The following CEP128 variants were observed in gnomAD, a reference collection of about 807,000 sequenced individuals.
The protein encoded by CEP128 is centrosomal protein 128, also known as centrosomal protein 128kDa.
CEP128 carries 132 observed loss-of-function variants against 156.7 expected under a neutral mutation model. That is an observed-to-expected ratio of 0.84 (90% confidence interval 0.73 to 0.97). CEP128 has a LOEUF of 0.97. Among genes scored for constraint, CEP128 ranks in the 50% least tolerant of loss-of-function variants. CEP128 has a pLI of 0.00. For missense variants in CEP128, 1,252 were observed against 1,281.9 expected (o/e 0.98, Z 0.36); for synonymous variants, 469 against 448.9 (o/e 1.04, Z -0.57).
chr14:80,755,135 T>C (rs1287859968), intron 18 of CEP128, among the ~76,000 whole-genome samples: 1 of 152,140 alleles, frequency 6.6e-6, no homozygotes, highest in Non-Finnish European at 1.5e-5. Context: ...CAGAAAAATA[T>C]GAAAAGACAG....
In CEP128 at chr14:80,716,641, T is replaced by G. The variant is rs187662127; in HGVS notation, c.2806+26434A>C. 4.0e-4 allele frequency among the ~76,000 whole-genome samples: 61 copies of G among 152,370 alleles called. 2 individuals carry two copies. Among genetic ancestry groups the G allele is most frequent in the Admixed American group, 3.8e-3 (58 of 15,302 alleles). On this transcript the variant is annotated intron_variant, in intron 19 of 24. Transcript: ENST00000555265. ...ACTATACCATATTTTATTTATCCAT[T>G]CGTCAGCTGATGGACATTCGGGTTG...
At chr14:80,947,468 C>G (rs1886372487) in intron 2 of CEP128, among the ~76,000 whole-genome samples, 1 of 149,308 alleles carries the variant, frequency 6.7e-6, no homozygotes, top group Non-Finnish European at 1.5e-5. Context: ...GTTGTAGGAC[C>G]CTGTGAAAAA....
chr14:80,660,327 T>C (rs1402701312), intron 19 of CEP128, among the ~76,000 whole-genome samples: 2 of 152,172 alleles, frequency 1.3e-5, no homozygotes, highest in African/African-American at 2.4e-5. Flanking sequence ...CATGTCAGTG[T>C]ATATGTTAAA....
At chr14:80,641,764 C>T (rs10146558) in intron 19 of CEP128, among the ~76,000 whole-genome samples, 6 of 151,834 alleles carry the variant, frequency 4.0e-5, no homozygotes, top group Admixed American at 3.9e-4. Context: ...TTAAAATAGC[C>T]GTACCAGAAC....
intron 20 of CEP128, among the ~76,000 whole-genome samples, chr14:80,569,218 T>C (rs868427477): frequency 2.6e-4 from 39 of 152,198 alleles, no homozygotes; most frequent in African/African-American, 9.4e-4. Context: ...TGTAGTACTT[T>C]TAAAATGGTC....
intron 18 of CEP128, among the ~76,000 whole-genome samples, chr14:80,743,819 A>G (rs951102897): frequency 1.3e-5 from 2 of 151,914 alleles, no homozygotes; most frequent in Non-Finnish European, 1.5e-5. Context: ...ACTCTACTTC[A>G]CAGATTCTAA....
rs572597013 is a variant in CEP128 at position 80,757,252 on chromosome 14, G to T, written c.2554-301C>A. On this transcript the variant is annotated intron_variant, in intron 17 of 24. Coordinates refer to ENST00000555265, the MANE Select transcript of CEP128 (RefSeq NM_152446.5). ...TCTGTGGAGTTCCATATGGCAAACA[G>T]CTTCAATTAAAGTCAGTTTATTTCA... 2.6e-4 allele frequency among the ~76,000 whole-genome samples: 39 copies of T among 152,234 alleles called. No individual in the cohort carries two copies. The South Asian group carries it at 7.9e-3, about 31-fold the overall frequency.
intron 19 of CEP128, among the ~76,000 whole-genome samples, chr14:80,692,128 G>A (rs1406378070): frequency 6.6e-6 from 1 of 152,156 alleles, no homozygotes; most frequent in Non-Finnish European, 1.5e-5. Flanking sequence ...ATTGTGACTA[G>A]TTGTCAGGAA....
chr14:80,632,187 T>C (rs569160209), intron 19 of CEP128, among the ~76,000 whole-genome samples: 1 of 152,002 alleles, frequency 6.6e-6, no homozygotes, highest in Non-Finnish European at 1.5e-5. Flanking sequence ...TCCTTCAGTA[T>C]TTTTCTTTTT....
At chr14:80,695,641 C>T (rs1595234636) in intron 19 of CEP128, among the ~76,000 whole-genome samples, 1 of 149,836 alleles carries the variant, frequency 6.7e-6, no homozygotes, top group Admixed American at 6.7e-5. Flanking sequence ...CGCTTGAACC[C>T]GGGAGGCAGA....
intron 19 of CEP128, among the ~76,000 whole-genome samples, chr14:80,684,551 T>C (rs9783629): frequency 0.28 from 42,825 of 151,818 alleles, 6,957 homozygotes; most frequent in East Asian, 0.72. Flanking sequence ...ACTAAAACTA[T>C]TCTGAAAAAT....
At chr14:80,568,284 G>A (rs1029542408) in intron 20 of CEP128, among the ~76,000 whole-genome samples, 2 of 152,112 alleles carry the variant, frequency 1.3e-5, no homozygotes, top group African/African-American at 4.8e-5. Flanking sequence ...CTCCCACGCC[G>A]TGTTCTCCTG....
chr14:80,538,949 GC>G (rs751973610), intron 21 of CEP128, among the ~76,000 whole-genome samples: 5 of 152,130 alleles, frequency 3.3e-5, no homozygotes, highest in Non-Finnish European at 7.4e-5. Flanking sequence ...TTAGCAGTGG[GC>G]AATAAGCATC....
Position 80,481,775 on chromosome 14 carries a change from G to C in CEP128, c.*311-3368C>G, listed in dbSNP as rs112688481. On this transcript the variant is annotated intron_variant and NMD_transcript_variant, in intron 14 of 14. Coordinates refer to the CEP128 transcript ENST00000554502. Reference sequence around the variant, plus strand: ...TTACAGTAGTCAGGATAGCCAACCAGACACTGTGGTTTTAAATCCATCCAT... The same window carrying C: ...TTACAGTAGTCAGGATAGCCAACCACACACTGTGGTTTTAAATCCATCCAT... Among the ~76,000 whole-genome samples, 474 of 152,326 alleles carry C rather than the reference G, an allele frequency of 3.1e-3. 4 individuals are homozygous for C. Among genetic ancestry groups the C allele is most frequent in the African/African-American group, 0.011 (462 of 41,578 alleles).
intron 16 of CEP128, among the ~76,000 whole-genome samples, chr14:80,767,525 T>C (rs1260399138): frequency 6.6e-6 from 1 of 152,116 alleles, no homozygotes; most frequent in Non-Finnish European, 1.5e-5. Context: ...ACCCTACATA[T>C]ATCACTTGCC....
Position 80,761,520 on chromosome 14 carries a change from G to A in CEP128, c.2470C>T (p.Gln824Ter). 6.2e-7 allele frequency: 1 copy of A among 1,612,612 alleles called. No individual in the cohort carries two copies. Among genetic ancestry groups the A allele is most frequent in the Admixed American group, 1.7e-5 (1 of 59,998 alleles). ...KDQLLCLETE[Q>*]ESILGVIGKE... ...CCTATCACACCAAGAATGGATTCCT[G>A]TTCAGTCTCCAAGCAAAGAAGTTGA... Residue 824 changes from glutamine (Q) to a stop codon, truncating the protein, a stop_gained, in exon 17 of 25, where the codon CAG becomes TAG. Coordinates refer to ENST00000555265, the MANE Select transcript of CEP128 (RefSeq NM_152446.5). LOFTEE classifies it high-confidence loss of function.
intron 14 of CEP128, among the ~76,000 whole-genome samples, chr14:80,483,811 T>C (rs555628639): frequency 6.6e-6 from 1 of 152,360 alleles, no homozygotes; most frequent in Non-Finnish European, 1.5e-5. Flanking sequence ...TTGTAGAAGC[T>C]ATACATAATT....
At chr14:80,820,190 T>C (rs1424569308) in intron 13 of CEP128, among the ~76,000 whole-genome samples, 18 of 152,204 alleles carry the variant, frequency 1.2e-4, no homozygotes, top group Admixed American at 1.2e-3. Context: ...TTTGAAGTTG[T>C]TTTTGATAAC....
intron 19 of CEP128, among the ~76,000 whole-genome samples, chr14:80,635,629 A>G (rs1394729500): frequency 6.6e-6 from 1 of 152,236 alleles, no homozygotes; most frequent in East Asian, 1.9e-4. Context: ...CATCCAGTTA[A>G]TAAGGAGTAT....
Sources: gnomAD v4.1 joint callset for allele counts (sites outside exome capture counted in the v4.1 genomes callset) on GRCh38, gnomAD v4.1.1 for gene constraint, MANE v1.5 for transcripts, NCBI Gene and HGNC (gene_info 2026-07-23, HGNC 2026-07-21) for gene names.